The following DHX8 variants were observed in gnomAD, a reference collection of about 807,000 sequenced individuals.
The protein encoded by DHX8 is ATP-dependent RNA helicase DHX8.
In DHX8, 67 loss-of-function variants were observed where a neutral mutation model predicts 140.7. The observed-to-expected ratio is 0.48, with a 90% CI of 0.39 to 0.58. The LOEUF is 0.58. Ranked by LOEUF, DHX8 falls within the 20% of genes least tolerant of loss-of-function variation. DHX8 has a pLI of 0.00. For missense variants in DHX8, 887 were observed against 1,550.7 expected, an observed-to-expected ratio of 0.57 and a Z score of 7.19; for synonymous variants, 533 against 553.2, an observed-to-expected ratio of 0.96 and a Z score of 0.51.
intron 4 of DHX8, among the ~76,000 whole-genome samples, chr17:43,491,622 C>G (rs889059526): frequency 6.6e-6 from 1 of 151,696 alleles, no homozygotes; most frequent in African/African-American, 2.4e-5. Context: ...TGAGTACTTA[C>G]TGTATGCCAA....
downstream of DHX8, chr17:43,528,820 A>T: frequency 8.4e-7 from 1 of 1,194,070 alleles, no homozygotes; most frequent in South Asian, 1.4e-5. Context: ...GGAGTGGGGA[A>T]TGTGGCCCTT....
chr17:43,535,909 GAGACCATCC>G (rs1375406628), intron 2 of DHX8, among the ~76,000 whole-genome samples: 3 of 152,162 alleles, frequency 2.0e-5, no homozygotes, highest in African/African-American at 7.2e-5. Flanking sequence ...TCAGGAATTC[GAGACCATCC>G]TGGCCAACAT....
In DHX8 at chr17:43,488,219, A is replaced by C. The variant is rs947132334; in HGVS notation, c.149-1230A>C. ...CTTAAACTCAGGGGGCAGAGGTGGC[A>C]GTGAGCCAAGATCCCGCCACTGCAC... is the stretch of plus-strand genomic sequence containing the variant. On this transcript the variant is annotated intron_variant, in intron 1 of 22. Transcript: ENST00000262415. Among the ~76,000 whole-genome samples, 73 of 152,092 alleles carry C rather than the reference A, an allele frequency of 4.8e-4. 1 individual carries two copies. Among genetic ancestry groups the C allele is most frequent in the Non-Finnish European group, 8.8e-4 (60 of 67,982 alleles).
At chr17:43,521,194 C>T (rs892107479) in intron 20 of DHX8, among the ~76,000 whole-genome samples, 175 bp from the exon 21 acceptor site, 3 of 151,940 alleles carry the variant, frequency 2.0e-5, no homozygotes, top group Non-Finnish European at 1.5e-5. Context: ...AACTCCTGGC[C>T]TCAAGTGATC....
At position 43,491,173 on chromosome 17, in the gene DHX8, G is replaced by C. The variant is rs1485803171; in HGVS notation, c.316G>C (p.Val106Leu). ...AKPSTSKDPV[V>L]KPKTEKEKLK... ...CTCTTTAATGAAACAAGATCCAGTTGTTAAACCTAAAACAGAAAAAGAAAA... is the reference window on the plus strand; with the variant it reads ...CTCTTTAATGAAACAAGATCCAGTTCTTAAACCTAAAACAGAAAAAGAAAA... Residue 106 changes from valine to leucine, a missense_variant, in exon 4 of 23, where the codon GTT (valine) becomes CTT (leucine). Val to Leu is a conservative substitution (Grantham distance 32). This residue lies in a region of DHX8 where 304 missense variants were observed against 306.9 expected (regional missense o/e 0.99). Transcript: ENST00000262415. 1.3e-6 allele frequency: 2 copies of C among 1,526,828 alleles called. No homozygotes were observed. Among genetic ancestry groups the C allele is most frequent in the Non-Finnish European group, 8.8e-7 (1 of 1,137,674 alleles). The allele number at this position is 1,526,828 out of a possible 1,614,324, so 94.6% of individuals were successfully genotyped here.
chr17:43,506,907 A>G (rs979554705), intron 12 of DHX8, 96 bp from the exon 13 acceptor site: 1 of 882,096 alleles, frequency 1.1e-6, no homozygotes, highest in East Asian at 2.7e-5. Flanking sequence ...TTCCAGAGTA[A>G]TGTAGATTTT....
chr17:43,493,310 A>T, intron 6 of DHX8, 135 bp from the exon 7 acceptor site: 1 of 1,268,818 alleles, frequency 7.9e-7, no homozygotes, highest in Non-Finnish European at 1.1e-6. Flanking sequence ...ATACTATTTT[A>T]TTGTTTGACC....
downstream of DHX8, among the ~76,000 whole-genome samples, chr17:43,531,324 G>T (rs1262228913): frequency 6.6e-6 from 1 of 152,170 alleles, no homozygotes; most frequent in Non-Finnish European, 1.5e-5. Context: ...GCCCTCCTTC[G>T]GCCCTTGAGG....
At chr17:43,521,274 C>A in intron 20 of DHX8, 95 bp from the exon 21 acceptor site, 1 of 1,078,120 alleles carries the variant, frequency 9.3e-7, no homozygotes, top group Non-Finnish European at 1.3e-6. Flanking sequence ...GATGTGGACA[C>A]TTTTGATAGG....
At chr17:43,502,599 A>G (rs917472810) in intron 11 of DHX8, among the ~76,000 whole-genome samples, 1 of 151,998 alleles carries the variant, frequency 6.6e-6, no homozygotes, top group African/African-American at 2.4e-5. Flanking sequence ...ATTATTTTGC[A>G]TTTTTGGTAG....
At position 43,536,600 on chromosome 17, in the gene DHX8, G is replaced by C. The variant is rs1374765354; in HGVS notation, c.*20+102G>C. Reference sequence around the variant, plus strand: ...AAAGGACCAACAGCCTTTAGATCAGGGGTGTCCACATTGTAAGAATTGTCT... The same window carrying C: ...AAAGGACCAACAGCCTTTAGATCAGCGGTGTCCACATTGTAAGAATTGTCT... On this transcript the variant is annotated intron_variant, in intron 3 of 3. Coordinates refer to the DHX8 transcript ENST00000589898. 6 of 761,004 alleles carry C rather than the reference G, an allele frequency of 7.9e-6. No individual in the cohort carries two copies. In the Admixed American group the frequency reaches 1.1e-4, roughly 14 times the overall value. The allele number at this position is 761,004 out of a possible 1,614,324, so 47.1% of individuals were successfully genotyped here. A position where few individuals can be genotyped will look rare whatever the true frequency, so the allele number is the denominator to read the frequency against.
chr17:43,535,186 T>G (rs1054464788), intron 2 of DHX8, among the ~76,000 whole-genome samples: 3 of 152,236 alleles, frequency 2.0e-5, no homozygotes, highest in Non-Finnish European at 4.4e-5. Flanking sequence ...TAACCAACTA[T>G]TCTCTGCTGT....
downstream of DHX8, chr17:43,528,840 C>T: frequency 1.1e-6 from 1 of 929,494 alleles, no homozygotes; most frequent in Non-Finnish European, 1.7e-6. Context: ...TCTACCAGTA[C>T]AGGCAGATGC....
chr17:43,530,830 C>G (rs1970889035), downstream of DHX8, among the ~76,000 whole-genome samples: 1 of 152,078 alleles, frequency 6.6e-6, no homozygotes, highest in Non-Finnish European at 1.5e-5. Flanking sequence ...CCGCCCTCCC[C>G]CCACTGCACT....
chr17:43,524,648 AC>A lies in DHX8; in HGVS notation c.*803del. 1 of 984,880 alleles carries A rather than the reference AC, an allele frequency of 1.0e-6. No individual in the cohort carries two copies. The highest frequency in any genetic ancestry group is 1.8e-5 in the African/African-American group (1 of 57,128). The allele number at this position is 984,880 out of a possible 1,614,324, so 61.0% of individuals were successfully genotyped here. ...CAGAAGGTTTCCCCTTGCTCCCTCC[AC>A]CTCCCACATTCGCAATGTGCAGCAT... On this transcript the variant is annotated 3_prime_UTR_variant, in exon 23 of 23. Transcript: ENST00000262415.
downstream of DHX8, chr17:43,525,805 A>C (rs561975273): frequency 1.9e-5 from 19 of 985,368 alleles, no homozygotes; most frequent in South Asian, 8.5e-4. Context: ...TTCCCCATTC[A>C]GAAACACTCC....
rs772492529 is a variant in DHX8 at position 43,483,991 on chromosome 17, C to G, written c.-47C>G. On this transcript the variant is annotated 5_prime_UTR_variant, in exon 1 of 23. Transcript: ENST00000262415. ...GAAAGCTGGAACCCGGCCGGAGTAG[C>G]TCTGAGCGCCGGCTGTGAGGAAGGA... The G allele has an allele frequency of 5.6e-6, 9 of 1,610,032 alleles. No homozygotes were observed. Among genetic ancestry groups the G allele is most frequent in the Non-Finnish European group, 7.6e-6 (9 of 1,177,634 alleles).
Position 43,522,202 on chromosome 17 carries a change from C to T in DHX8, c.3419C>T (p.Ala1140Val), listed in dbSNP as rs1265144228. The T allele has an allele frequency of 6.2e-7, 1 of 1,613,728 alleles. No individual in the cohort carries two copies. Among genetic ancestry groups the T allele is most frequent in the Non-Finnish European group, 8.5e-7 (1 of 1,179,758 alleles). The change falls in exon 22 of 23, where the codon GCC becomes GTC. Residue 1140 changes from alanine (A) to valine (V), a missense_variant. Around this residue, in one of 9 missense-constraint regions of DHX8, gnomAD observed 101 missense variants for 168.2 expected, o/e 0.60. Transcript: ENST00000262415. ...QQVVYIHPSS[A>V]LFNRQPEWVV... The stretch of plus-strand genomic sequence containing the variant: ...GTGGTCTATATCCATCCTTCCAGTG[C>T]CCTCTTCAACAGACAGCCAGAATGG...
chr17:43,510,137 C>T (rs761054305), intron 16 of DHX8, among the ~76,000 whole-genome samples: 2 of 152,108 alleles, frequency 1.3e-5, no homozygotes, highest in Non-Finnish European at 2.9e-5. Flanking sequence ...CAACCTCCGC[C>T]TCCCAGATTC....
Sources: gnomAD v4.1 joint callset for allele counts (sites outside exome capture counted in the v4.1 genomes callset) on GRCh38, gnomAD v4.1.1 for gene constraint, gnomAD v4.1.1 regional missense constraint, MANE v1.5 for transcripts, NCBI Gene and HGNC (gene_info 2026-07-23, HGNC 2026-07-21) for gene names.